The following PHLPP1 variants were observed in gnomAD, a reference collection of about 807,000 sequenced individuals.
PHLPP1 encodes PH domain and leucine rich repeat protein phosphatase 1, also known as PH domain leucine-rich repeat-containing protein phosphatase 1.
In PHLPP1, 42 loss-of-function variants were observed where a neutral mutation model predicts 117.2. The ratio of observed to expected loss-of-function variants is 0.36; its 90% confidence interval spans 0.28 to 0.46. The LOEUF (loss-of-function observed/expected upper bound fraction) is 0.46, where lower values mean the gene tolerates loss of function less well. PHLPP1 is among the 20% of genes least tolerant of loss of function. The probability of loss-of-function intolerance (pLI) is 1.00; values close to 1 mark genes in which losing one functional copy is unlikely to be tolerated. For missense variants in PHLPP1, 2,084 were observed against 2,241.9 expected (o/e 0.93, Z 1.42); for synonymous variants, 1,042 against 970.7 (o/e 1.07, Z -1.37).
chr18:62,842,607 G>A (rs977473504), intron 3 of PHLPP1, among the ~76,000 whole-genome samples: 1 of 151,642 alleles, frequency 6.6e-6, no homozygotes, highest in African/African-American at 2.4e-5. Context: ...CAGATGATCC[G>A]CCTGCCTCAG....
In PHLPP1 at chr18:62,716,128, T is replaced by G; in HGVS notation, c.445T>G (p.Ser149Ala). 6.6e-7 allele frequency: 1 copy of G among 1,516,506 alleles called. No homozygotes were observed. Among genetic ancestry groups the G allele is most frequent in the Middle Eastern group, 1.8e-4 (1 of 5,546 alleles). 93.9% of individuals were successfully genotyped at this position (1,516,506 alleles called of 1,614,324 possible). A position where few individuals can be genotyped will look rare whatever the true frequency, so the allele number is the denominator to read the frequency against. ...SSSSSSAAAASHSPGAAGLPA... is the reference protein window; with the variant it reads ...SSSSSSAAAAAHSPGAAGLPA... ...GTCGTCGTCCTCGGCCGCTGCTGCC[T>G]CGCACTCCCCCGGCGCTGCCGGCCT... The change falls in exon 1 of 17, where the codon TCG (serine) becomes GCG (alanine). Residue 149 changes from serine (S) to alanine (A), a missense_variant. Ser to Ala is a moderately conservative substitution (Grantham distance 99). Transcript: ENST00000262719. The surrounding 1 kb of genome is among the most constrained non-coding windows in gnomAD (Gnocchi z 5.7).
chr18:62,799,672 AT>A (rs1913721254), intron 1 of PHLPP1, among the ~76,000 whole-genome samples: 1 of 152,120 alleles, frequency 6.6e-6, no homozygotes, highest in African/African-American at 2.4e-5. Flanking sequence ...ATCATAAACC[AT>A]TTATTTATGA....
chr18:62,893,009 T>C (rs1462162561), intron 4 of PHLPP1, among the ~76,000 whole-genome samples: 1 of 152,010 alleles, frequency 6.6e-6, no homozygotes, highest in African/African-American at 2.4e-5. Flanking sequence ...AGCTTGTGTT[T>C]TGCAGTGATT....
At chr18:62,796,933 C>T (rs926704386) in intron 1 of PHLPP1, among the ~76,000 whole-genome samples, 1 of 152,158 alleles carries the variant, frequency 6.6e-6, no homozygotes, top group African/African-American at 2.4e-5. Context: ...AAGAGAAATT[C>T]TATTTTCTAT....
intron 1 of PHLPP1, among the ~76,000 whole-genome samples, chr18:62,800,793 C>T (rs1389253899): frequency 6.6e-6 from 1 of 151,984 alleles, no homozygotes; most frequent in Non-Finnish European, 1.5e-5. Flanking sequence ...CTGGCTTCTC[C>T]GGCTACCTGC....
chr18:62,819,324 A>G (rs928030685), intron 1 of PHLPP1, among the ~76,000 whole-genome samples: 4 of 152,234 alleles, frequency 2.6e-5, no homozygotes, highest in Admixed American at 2.0e-4. Context: ...ACTTGAAGGT[A>G]GATTGTGTGT....
chr18:62,914,868 T>G (rs1909220020), intron 8 of PHLPP1, 45 bp from the exon 9 acceptor site: 1 of 1,387,060 alleles, frequency 7.2e-7, no homozygotes, highest in African/African-American at 1.4e-5. Context: ...TAGAACCACA[T>G]TTGAGGACAA....
Position 62,979,533 on chromosome 18 carries a change from C to G in PHLPP1, c.*102C>G. 1 of 1,290,746 alleles carries G rather than the reference C, an allele frequency of 7.7e-7. No individual in the cohort carries two copies. Among genetic ancestry groups the G allele is most frequent in the Admixed American group, 2.6e-5 (1 of 38,324 alleles). 80.0% of individuals were successfully genotyped at this position (1,290,746 alleles called of 1,614,324 possible). ...AGGGGTTTTACTCCACATCCTTCCCCCAGACACTGTTCCCAACCTGTCATC... is the reference window on the plus strand; with the variant it reads ...AGGGGTTTTACTCCACATCCTTCCCGCAGACACTGTTCCCAACCTGTCATC... On this transcript the variant is annotated 3_prime_UTR_variant, in exon 17 of 17. Coordinates refer to ENST00000262719, the MANE Select transcript of PHLPP1 (RefSeq NM_194449.4).
intron 12 of PHLPP1, among the ~76,000 whole-genome samples, chr18:62,947,703 G>A (rs1176686979): frequency 6.6e-6 from 1 of 152,094 alleles, no homozygotes; most frequent in African/African-American, 2.4e-5. Context: ...CTTGTTTTGG[G>A]GTTCTTTGTT....
intron 13 of PHLPP1, among the ~76,000 whole-genome samples, chr18:62,959,777 C>G (rs2144477286): frequency 6.6e-6 from 1 of 152,288 alleles, no homozygotes; most frequent in Non-Finnish European, 1.5e-5. Context: ...TTGAAAAGCA[C>G]TTAAAGTGAT....
intron 1 of PHLPP1, among the ~76,000 whole-genome samples, chr18:62,809,561 G>A (rs1213378959): frequency 6.6e-6 from 1 of 152,112 alleles, no homozygotes; most frequent in Non-Finnish European, 1.5e-5. Context: ...AATTAGCTGG[G>A]CGTGGTGGTG....
At chr18:62,780,800 T>A (rs1244346669) in intron 1 of PHLPP1, among the ~76,000 whole-genome samples, 1 of 152,072 alleles carries the variant, frequency 6.6e-6, no homozygotes, top group African/African-American at 2.4e-5. Flanking sequence ...GATTAAGGAG[T>A]CTTCCTTACT....
intron 13 of PHLPP1, among the ~76,000 whole-genome samples, chr18:62,961,108 C>T (rs1910754035): frequency 6.6e-6 from 1 of 152,052 alleles, no homozygotes; most frequent in Admixed American, 6.5e-5. Context: ...ACCAGCCTGA[C>T]CAACATGATG....
intron 1 of PHLPP1, among the ~76,000 whole-genome samples, chr18:62,724,096 C>T (rs1465392534): frequency 6.6e-6 from 1 of 152,182 alleles, no homozygotes; most frequent in African/African-American, 2.4e-5. Context: ...AGCAGACCTC[C>T]TCTTTGGTGT....
intron 10 of PHLPP1, among the ~76,000 whole-genome samples, chr18:62,924,663 G>A (rs1909570123): frequency 8.1e-6 from 1 of 122,732 alleles, no homozygotes. Context: ...GCAAGACCCT[G>A]TCACTACAAA....
At chr18:62,973,928 C>A (rs1232357912) in intron 15 of PHLPP1, among the ~76,000 whole-genome samples, 3 of 152,090 alleles carry the variant, frequency 2.0e-5, no homozygotes, top group Non-Finnish European at 4.4e-5. Context: ...TGTGAGACTC[C>A]CTTCAAAGGA....
chr18:62,734,537 T>C (rs1911316135), intron 1 of PHLPP1, among the ~76,000 whole-genome samples: 1 of 152,220 alleles, frequency 6.6e-6, no homozygotes, highest in Non-Finnish European at 1.5e-5. Flanking sequence ...TATTGTCTTG[T>C]AGTAATGTGG....
chr18:62,817,495 G>T (rs911596556), intron 1 of PHLPP1, among the ~76,000 whole-genome samples: 1 of 151,886 alleles, frequency 6.6e-6, no homozygotes, highest in Admixed American at 6.6e-5. Context: ...ATTAACAATA[G>T]CTCAAACACT....
chr18:62,895,660 C>T (rs1285922480), intron 5 of PHLPP1, 121 bp from the exon 6 acceptor site: 3 of 660,284 alleles, frequency 4.5e-6, no homozygotes, highest in South Asian at 1.9e-5. Flanking sequence ...TGCCCTTAGG[C>T]ATTTTGCGAA....
Sources: allele counts gnomAD v4.1 joint callset (sites outside exome capture counted in the v4.1 genomes callset), GRCh38; gene constraint gnomAD v4.1.1; non-coding constraint Gnocchi (gnomAD v3.1); transcripts MANE v1.5; gene names NCBI Gene and HGNC (gene_info 2026-07-23, HGNC 2026-07-21).